ELAVL4: variants seen among roughly 807,000 people sequenced by gnomAD.
ELAVL4 encodes the protein ELAV-like protein 4.
A neutral mutation model predicts 35.6 loss-of-function variants in ELAVL4; 1 was observed. The observed-to-expected ratio is 0.03, with a 90% confidence interval of 0.01 to 0.13. ELAVL4 has a LOEUF of 0.13. Ranked by LOEUF, ELAVL4 falls within the 10% of genes least tolerant of loss-of-function variation. ELAVL4 has a pLI of 1.00. For synonymous variants in ELAVL4, 156 were observed against 171.0 expected (o/e 0.91, Z 0.69); for missense variants, 267 against 464.9 (o/e 0.57, Z 3.91).
At chr1:50,182,783 G>A (rs1681244646) in intron 3 of ELAVL4, among the ~76,000 whole-genome samples, 1 of 151,922 alleles carries the variant, frequency 6.6e-6, no homozygotes, top group African/African-American at 2.4e-5. Flanking sequence ...AAATAATTTG[G>A]TATGTACAGA....
chr1:50,066,976 A>G (rs1664293202), intron 1 of ELAVL4, among the ~76,000 whole-genome samples: 1 of 152,208 alleles, frequency 6.6e-6, no homozygotes, highest in Non-Finnish European at 1.5e-5. Context: ...AACAGCTTGA[A>G]AGAGTGAATA....
At chr1:50,139,880 G>C (rs1423359991) in intron 1 of ELAVL4, among the ~76,000 whole-genome samples, 3 of 152,136 alleles carry the variant, frequency 2.0e-5, no homozygotes, top group African/African-American at 2.4e-5. Flanking sequence ...GAGGGGTGAG[G>C]TTAATGCATT....
chr1:50,126,124 A>G (rs774586717), intron 1 of ELAVL4, among the ~76,000 whole-genome samples: 2 of 152,262 alleles, frequency 1.3e-5, no homozygotes, highest in Admixed American at 1.3e-4. Context: ...TTTGGGGCTC[A>G]CAGGGAGAGA....
chr1:50,106,761 G>A (rs1413917895), upstream of ELAVL4, among the ~76,000 whole-genome samples: 1 of 152,144 alleles, frequency 6.6e-6, no homozygotes, highest in East Asian at 1.9e-4. Context: ...AGACTTTAAA[G>A]TGGAGGTTTG....
At chr1:50,183,620 G>A (rs1681389234) in intron 3 of ELAVL4, among the ~76,000 whole-genome samples, 1 of 152,012 alleles carries the variant, frequency 6.6e-6, no homozygotes, top group South Asian at 2.1e-4. Context: ...AGTGCCTCCG[G>A]GGGTCTTTCC....
chr1:50,163,080 G>A (rs894505831), intron 2 of ELAVL4, among the ~76,000 whole-genome samples: 4 of 152,130 alleles, frequency 2.6e-5, no homozygotes, highest in Admixed American at 1.3e-4. Context: ...TATAAATTTC[G>A]TGACAGTTCT....
chr1:50,112,478 G>A (rs1667234528), intron 1 of ELAVL4, among the ~76,000 whole-genome samples: 1 of 152,038 alleles, frequency 6.6e-6, no homozygotes, highest in Non-Finnish European at 1.5e-5. Context: ...GGCTGAATGT[G>A]CATTTATTAA....
intron 1 of ELAVL4, among the ~76,000 whole-genome samples, chr1:50,063,001 T>C (rs1306509216): frequency 6.6e-6 from 1 of 152,162 alleles, no homozygotes; most frequent in Non-Finnish European, 1.5e-5. Context: ...AAGCACAGTC[T>C]CTGTCCTCAA....
chr1:50,138,439 C>T (rs1322709408), intron 1 of ELAVL4, among the ~76,000 whole-genome samples: 2 of 150,886 alleles, frequency 1.3e-5, no homozygotes, highest in Non-Finnish European at 2.9e-5. Context: ...CCAGCCAAAG[C>T]TTTAACCCTC....
chr1:50,072,152 A>C (rs1426496658), intron 1 of ELAVL4, among the ~76,000 whole-genome samples: 1 of 152,208 alleles, frequency 6.6e-6, no homozygotes, highest in African/African-American at 2.4e-5. Flanking sequence ...TGCAGTGAGT[A>C]AGAATCTAGA....
chr1:50,129,578 A>G lies in ELAVL4; in HGVS notation c.10-15379A>G, dbSNP rs1470095427. On this transcript the variant is annotated intron_variant, in intron 1 of 6. Transcript: ENST00000371824. Reference sequence around the variant, plus strand: ...TGTAAGTGTCAAACATGCTACTTTCATTATTTCTTTTTTTAGAATCCACAT... The same window carrying G: ...TGTAAGTGTCAAACATGCTACTTTCGTTATTTCTTTTTTTAGAATCCACAT... 2.6e-5 allele frequency among the ~76,000 whole-genome samples: 4 copies of G among 152,060 alleles called. No individual in the cohort carries two copies. The South Asian group carries it at 8.3e-4, about 32-fold the overall frequency.
At chr1:50,185,959 A>G (rs1681760392) in intron 3 of ELAVL4, among the ~76,000 whole-genome samples, 1 of 152,186 alleles carries the variant, frequency 6.6e-6, no homozygotes, top group African/African-American at 2.4e-5. Context: ...CAGATATTCC[A>G]CTAACCAGGC....
intron 3 of ELAVL4, among the ~76,000 whole-genome samples, chr1:50,186,598 A>G (rs1311604503): frequency 6.6e-6 from 1 of 152,178 alleles, no homozygotes; most frequent in Non-Finnish European, 1.5e-5. Context: ...TTATTCTGCC[A>G]TGATGGTGAA....
chr1:50,152,439 T>G (rs1480743681), intron 2 of ELAVL4, among the ~76,000 whole-genome samples: 1 of 151,788 alleles, frequency 6.6e-6, no homozygotes, highest in African/African-American at 2.4e-5. Flanking sequence ...CACCCACACA[T>G]TCACTCACTC....
At chr1:50,106,440 C>A (rs1206183720), upstream of ELAVL4, 3 of 1,489,294 alleles carry the variant, frequency 2.0e-6, no homozygotes, top group Admixed American at 3.5e-5. Context: ...GCTGGGATAT[C>A]ATTTTTAGGT....
At chr1:50,119,632 T>C (rs181959054) in intron 1 of ELAVL4, among the ~76,000 whole-genome samples, 3 of 152,120 alleles carry the variant, frequency 2.0e-5, no homozygotes, top group African/African-American at 7.2e-5. Context: ...CTCCAGTCAT[T>C]GAATTTTGGA....
Position 50,124,824 on chromosome 1 carries a change from G to C in ELAVL4, c.9+15626G>C, listed in dbSNP as rs1291274289. Among the ~76,000 whole-genome samples, 6 of 152,072 alleles carry C rather than the reference G, an allele frequency of 3.9e-5. No individual in the cohort carries two copies. The East Asian group carries it at 1.2e-3, about 29-fold the overall frequency. ...TCCCTATGCCTCAACATTTTCATCT[G>C]TAAACTAGGGTTGTTGTGAGGATGT... is the stretch of plus-strand genomic sequence containing the variant. On this transcript the variant is annotated intron_variant, in intron 1 of 6. Coordinates refer to ENST00000371824, the MANE Select transcript of ELAVL4 (RefSeq NM_001144774.3).
intron 1 of ELAVL4, among the ~76,000 whole-genome samples, chr1:50,134,005 T>C (rs1452551902): frequency 6.6e-5 from 10 of 152,206 alleles, no homozygotes; most frequent in Admixed American, 6.5e-4. Flanking sequence ...AAACTCCCTC[T>C]ACTCCCTTTT....
At chr1:50,183,282 G>T (rs1176805072) in intron 3 of ELAVL4, among the ~76,000 whole-genome samples, 1 of 152,112 alleles carries the variant, frequency 6.6e-6, no homozygotes, top group East Asian at 1.9e-4. Flanking sequence ...AATATTTCCA[G>T]AGGACAGGTA....
Sources: allele counts gnomAD v4.1 joint callset (sites outside exome capture counted in the v4.1 genomes callset), GRCh38; gene constraint gnomAD v4.1.1; transcripts MANE v1.5; gene names NCBI Gene and HGNC (gene_info 2026-07-23, HGNC 2026-07-21).